Variants in MAGI2 observed in about 807,000 individuals in gnomAD.
MAGI2 encodes membrane associated guanylate kinase, WW and PDZ domain containing 2.
Under a neutral mutation model 133.3 loss-of-function variants are expected in MAGI2, and 35 were observed. The ratio of observed to expected loss-of-function variants is 0.26; its 90% CI spans 0.20 to 0.35. MAGI2 has a LOEUF of 0.35. MAGI2 is among the 10% of genes least tolerant of loss of function. The probability of loss-of-function intolerance (pLI) is 1.00; values close to 1 mark genes in which losing one functional copy is unlikely to be tolerated. For synonymous variants in MAGI2, 729 were observed against 710.6 expected (o/e 1.03, Z -0.41); for missense variants, 1,636 against 1,863.4 (o/e 0.88, Z 2.25).
At chr7:79,368,806 C>G (rs916883197) in intron 1 of MAGI2, among the ~76,000 whole-genome samples, 5 of 141,840 alleles carry the variant, frequency 3.5e-5, no homozygotes, top group Non-Finnish European at 7.5e-5. Context: ...CGAGATTGTG[C>G]CACTGCACTC....
chr7:78,313,904 G>A (rs1190112240), intron 9 of MAGI2, among the ~76,000 whole-genome samples: 4 of 152,066 alleles, frequency 2.6e-5, no homozygotes, highest in Non-Finnish European at 5.9e-5. Flanking sequence ...TTGAAACTGG[G>A]AAACATGAGT....
chr7:78,728,622 G>A (rs1821064117), intron 2 of MAGI2, among the ~76,000 whole-genome samples: 1 of 100,224 alleles, frequency 1.0e-5, no homozygotes, highest in African/African-American at 4.7e-5. Context: ...CTGGAGTGCA[G>A]TGGCGGGATC....
chr7:78,467,894 C>A (rs1201243794), intron 6 of MAGI2, among the ~76,000 whole-genome samples: 1 of 152,058 alleles, frequency 6.6e-6, no homozygotes, highest in African/African-American at 2.4e-5. Context: ...CACAAGATAT[C>A]TTTCTTTTGC....
chr7:78,880,520 A>G (rs925788675), intron 2 of MAGI2, among the ~76,000 whole-genome samples: 2 of 152,210 alleles, frequency 1.3e-5, no homozygotes, highest in Non-Finnish European at 2.9e-5. Context: ...CCAGACAAGC[A>G]ATTGCTACAG....
intron 9 of MAGI2, among the ~76,000 whole-genome samples, chr7:78,340,036 T>C (rs1029678317): frequency 6.6e-6 from 1 of 152,194 alleles, no homozygotes; most frequent in Non-Finnish European, 1.5e-5. Context: ...TGTTTCTCTA[T>C]ACACAAACCA....
At chr7:78,380,839 A>G (rs1279906580) in intron 6 of MAGI2, among the ~76,000 whole-genome samples, 1 of 152,204 alleles carries the variant, frequency 6.6e-6, no homozygotes, top group East Asian at 1.9e-4. Context: ...AAAATATCTC[A>G]TGTATCCCAT....
In MAGI2 at chr7:78,017,941, G is replaced by T. The variant is rs1807924293; in HGVS notation, c.*1374C>A. 1 of 152,218 alleles carries T rather than the reference G, an allele frequency of 6.6e-6. No individual in the cohort carries two copies. The highest frequency in any genetic ancestry group is 1.5e-5 in the Non-Finnish European group (1 of 68,028). The allele number at this position is 152,218 out of a possible 1,614,324, so 9.4% of individuals were successfully genotyped here. ...CTCATTCATTCGGGCATATTAAAAA[G>T]AAATTGCCTTCAGAAACACTTTGCC... On this transcript the variant is annotated 3_prime_UTR_variant, in exon 22 of 22. Coordinates refer to ENST00000354212, the MANE Select transcript of MAGI2 (RefSeq NM_012301.4).
At chr7:78,876,297 G>A (rs1294216403) in intron 2 of MAGI2, among the ~76,000 whole-genome samples, 3 of 123,128 alleles carry the variant, frequency 2.4e-5, no homozygotes, top group Admixed American at 2.0e-4. Context: ...ACTCCAGCCC[G>A]GGTGACAGAG....
chr7:79,339,411 G>T (rs867176131), intron 1 of MAGI2, among the ~76,000 whole-genome samples: 4 of 149,134 alleles, frequency 2.7e-5, no homozygotes, highest in Admixed American at 2.0e-4. Flanking sequence ...AGTCAATATT[G>T]TACCTATAGG....
chr7:78,306,892 CAA>C (rs530363685), intron 9 of MAGI2, among the ~76,000 whole-genome samples: 163 of 152,216 alleles, frequency 1.1e-3, no homozygotes, highest in African/African-American at 3.8e-3. Flanking sequence ...ATACTTTGAT[CAA>C]AGAGTTTTAA....
chr7:78,426,806 A>T (rs969841863), intron 6 of MAGI2, among the ~76,000 whole-genome samples: 1 of 152,176 alleles, frequency 6.6e-6, no homozygotes, highest in Non-Finnish European at 1.5e-5. Flanking sequence ...TAATATAAAG[A>T]AAATCTAACC....
intron 1 of MAGI2, among the ~76,000 whole-genome samples, chr7:79,071,710 C>A (rs1357145260): frequency 6.6e-6 from 1 of 151,728 alleles, no homozygotes; most frequent in East Asian, 1.9e-4. Flanking sequence ...CCTTACGGAG[C>A]TGTGGTGGGC....
intron 2 of MAGI2, among the ~76,000 whole-genome samples, chr7:78,636,009 A>G (rs748444707): frequency 1.6e-4 from 24 of 152,338 alleles, no homozygotes; most frequent in Middle Eastern, 3.4e-3. Context: ...GACAGATTAT[A>G]AAGTAATGTA....
chr7:78,321,936 C>T (rs1788045643), intron 9 of MAGI2, among the ~76,000 whole-genome samples: 1 of 151,902 alleles, frequency 6.6e-6, no homozygotes, highest in Non-Finnish European at 1.5e-5. Context: ...AAAAAACAAC[C>T]CCCTCAAAAA....
rs375761404 is a variant in MAGI2, at chr7:78,972,852, C to T, written c.418+34238G>A. 2.0e-4 allele frequency among the ~76,000 whole-genome samples: 31 copies of T among 151,558 alleles called. No individual in the cohort carries two copies. In the South Asian group the frequency reaches 6.0e-3, roughly 30 times the overall value. ...TTTTTAATGTTTGCCAGAGTAGGGGCATATGCTTATTTTGGGAGGTATTTA... is the reference window on the plus strand; with the variant it reads ...TTTTTAATGTTTGCCAGAGTAGGGGTATATGCTTATTTTGGGAGGTATTTA... On this transcript the variant is annotated intron_variant, in intron 2 of 21. Transcript: ENST00000354212.
intron 3 of MAGI2, among the ~76,000 whole-genome samples, chr7:78,574,381 T>G (rs1456426181): frequency 6.6e-6 from 1 of 152,248 alleles, no homozygotes; most frequent in East Asian, 1.9e-4. Context: ...GTCTTCTGAT[T>G]CCTTGCCCAT....
At chr7:78,645,229 T>C (rs775008357) in intron 2 of MAGI2, among the ~76,000 whole-genome samples, 6 of 152,092 alleles carry the variant, frequency 3.9e-5, no homozygotes, top group Non-Finnish European at 5.9e-5. Context: ...ATGACATATT[T>C]AAGAAAGAAA....
intron 6 of MAGI2, among the ~76,000 whole-genome samples, chr7:78,443,678 T>C (rs1035946095): frequency 4.8e-4 from 73 of 152,284 alleles, no homozygotes; most frequent in African/African-American, 1.3e-3. Context: ...TATACATCCA[T>C]CATAAAAACC....
At chr7:78,418,799 A>C (rs1798531942) in intron 6 of MAGI2, among the ~76,000 whole-genome samples, 1 of 152,200 alleles carries the variant, frequency 6.6e-6, no homozygotes, top group African/African-American at 2.4e-5. Context: ...GAGATGCTAT[A>C]TGGAATGTGC....
Sources: gnomAD v4.1 joint callset for allele counts (sites outside exome capture counted in the v4.1 genomes callset) on GRCh38, gnomAD v4.1.1 for gene constraint, MANE v1.5 for transcripts, NCBI Gene and HGNC (gene_info 2026-07-23, HGNC 2026-07-21) for gene names.